ABTB3: variants seen among roughly 807,000 people sequenced by gnomAD.
ABTB3 encodes ankyrin repeat and BTB domain containing 3, also known as ankyrin repeat- and BTB/POZ domain-containing protein 3.
At chr12:107,647,086 T>C in the ABTB3 span, among the ~76,000 whole-genome samples, 1 of 152,124 alleles carries the variant, frequency 6.6e-6, no homozygotes, top group African/African-American at 2.4e-5. Flanking sequence ...CCCAGTGCTT[T>C]GGAAGGCCCA....
At chr12:107,430,817 A>G in the ABTB3 span, among the ~76,000 whole-genome samples, 1 of 152,240 alleles carries the variant, frequency 6.6e-6, no homozygotes, top group Non-Finnish European at 1.5e-5. Flanking sequence ...ACCTTCTGTC[A>G]TATTCAAAGA....
At chr12:107,428,245 C>A in the ABTB3 span, among the ~76,000 whole-genome samples, 1 of 152,210 alleles carries the variant, frequency 6.6e-6, no homozygotes, top group South Asian at 2.1e-4. Context: ...CCTGAAAGGG[C>A]TCCTAGATTT....
At chr12:107,459,897 A>C in the ABTB3 span, among the ~76,000 whole-genome samples, 1 of 152,160 alleles carries the variant, frequency 6.6e-6, no homozygotes, top group East Asian at 1.9e-4. Flanking sequence ...CCCGCCCTGC[A>C]GACAGAACCC....
the ABTB3 span, among the ~76,000 whole-genome samples, chr12:107,458,868 T>C: frequency 6.6e-5 from 10 of 152,140 alleles, no homozygotes; most frequent in Non-Finnish European, 2.9e-5. Flanking sequence ...TTCTCCTTTA[T>C]TCATCTGCCA....
the ABTB3 span, among the ~76,000 whole-genome samples, chr12:107,475,545 C>T: frequency 6.6e-6 from 1 of 152,150 alleles, no homozygotes. Flanking sequence ...CAGAGGAGTC[C>T]TTGTAGAACT....
At chr12:107,485,913 A>G in the ABTB3 span, among the ~76,000 whole-genome samples, 8 of 152,238 alleles carry the variant, frequency 5.3e-5, no homozygotes, top group African/African-American at 1.4e-4. Flanking sequence ...CTGCTAACGA[A>G]ATACATTAAC....
At chr12:107,563,895 G>A in the ABTB3 span, among the ~76,000 whole-genome samples, 1 of 152,174 alleles carries the variant, frequency 6.6e-6, no homozygotes, top group Non-Finnish European at 1.5e-5. Context: ...TGCGAATGTA[G>A]GTTGAGGCTA....
chr12:107,334,790 C>A, the ABTB3 span, among the ~76,000 whole-genome samples: 2 of 152,028 alleles, frequency 1.3e-5, no homozygotes, highest in African/African-American at 4.8e-5. Context: ...GAGGAGGAAC[C>A]AGCAGAGGAG....
chr12:107,359,981 A>G, the ABTB3 span, among the ~76,000 whole-genome samples: 1 of 151,848 alleles, frequency 6.6e-6, no homozygotes, highest in South Asian at 2.1e-4. Flanking sequence ...TCTTCCTGTC[A>G]TCATTCCTTT....
At chr12:107,441,790 A>AAAAAAAAAAAAAAAG in the ABTB3 span, among the ~76,000 whole-genome samples, 1 of 151,014 alleles carries the variant, frequency 6.6e-6, no homozygotes, top group South Asian at 2.1e-4. Context: ...AAAAAAAAAA[A>AAAAAAAAAAAAAAAG]ATAGCAGGGT....
the ABTB3 span, among the ~76,000 whole-genome samples, chr12:107,482,939 T>C: frequency 0.057 from 1,261 of 22,138 alleles, 29 homozygotes; most frequent in Non-Finnish European, 0.074. Flanking sequence ...TTTCTTTCTT[T>C]CTTTCTTTCT....
At chr12:107,509,007 G>A in the ABTB3 span, among the ~76,000 whole-genome samples, 3 of 152,174 alleles carry the variant, frequency 2.0e-5, no homozygotes, top group Admixed American at 6.5e-5. Flanking sequence ...TCCATGCCTG[G>A]AAGTTCTGAA....
the ABTB3 span, among the ~76,000 whole-genome samples, chr12:107,358,398 A>G: frequency 2.0e-5 from 3 of 152,168 alleles, no homozygotes; most frequent in Non-Finnish European, 2.9e-5. Flanking sequence ...CTGAAGTAGG[A>G]ATGTGTCTGG....
the ABTB3 span, among the ~76,000 whole-genome samples, chr12:107,509,057 A>G: frequency 6.6e-6 from 1 of 152,294 alleles, no homozygotes; most frequent in Non-Finnish European, 1.5e-5. Flanking sequence ...GGGGGACTGA[A>G]GCAGGTGTTC....
At chr12:107,501,081 CAAAT>C in the ABTB3 span, among the ~76,000 whole-genome samples, 1 of 152,084 alleles carries the variant, frequency 6.6e-6, no homozygotes, top group Non-Finnish European at 1.5e-5. Flanking sequence ...AAAATGATAA[CAAAT>C]AACAGCAACA....
chr12:107,472,674 T>C, the ABTB3 span, among the ~76,000 whole-genome samples: 1 of 152,228 alleles, frequency 6.6e-6, no homozygotes, highest in Admixed American at 6.5e-5. Context: ...CATTGGCTGC[T>C]GCTGTTATCA....
the ABTB3 span, chr12:107,581,278 C>T: frequency 6.8e-7 from 1 of 1,473,844 alleles, no homozygotes. Flanking sequence ...TGCTGCCCGG[C>T]GTGGACTGCG....
At chr12:107,479,902 A>G in the ABTB3 span, among the ~76,000 whole-genome samples, 1 of 152,190 alleles carries the variant, frequency 6.6e-6, no homozygotes, top group Non-Finnish European at 1.5e-5. Context: ...AGGAACTGAG[A>G]AAGCAAATCA....
chr12:107,542,333 T>C, the ABTB3 span, among the ~76,000 whole-genome samples: 2 of 113,076 alleles, frequency 1.8e-5, no homozygotes, highest in African/African-American at 7.0e-5. Context: ...AAATTAACCA[T>C]CACAGATATC....
Sources: gnomAD v4.1 joint callset for allele counts (sites outside exome capture counted in the v4.1 genomes callset) on GRCh38, gnomAD v4.1.1 for gene constraint, MANE v1.5 for transcripts, NCBI Gene and HGNC (gene_info 2026-07-23, HGNC 2026-07-21) for gene names.